Variants in PARG observed in about 807,000 individuals in gnomAD.
The protein encoded by PARG is poly(ADP-ribose) glycohydrolase.
A neutral mutation model predicts 113.0 loss-of-function variants in PARG; 35 were observed. The ratio of observed to expected loss-of-function variants is 0.31; its 90% CI spans 0.24 to 0.41. The LOEUF is 0.41. PARG is among the 10% of genes least tolerant of loss of function. The pLI, the probability that PARG is intolerant of heterozygous loss-of-function variation, is 1.00. For missense variants in PARG, 797 were observed against 1,169.4 expected (o/e 0.68, Z 4.64); for synonymous variants, 330 against 409.9 (o/e 0.81, Z 2.36).
At chr10:49,860,711 C>T (rs1388226495) in intron 12 of PARG, among the ~76,000 whole-genome samples, 3 of 151,700 alleles carry the variant, frequency 2.0e-5, no homozygotes, top group Admixed American at 6.6e-5. Flanking sequence ...AGTCCATTTT[C>T]AGGCAACTGC....
At chr10:49,884,380 T>C (rs1847359139) in intron 8 of PARG, among the ~76,000 whole-genome samples, 4 of 152,306 alleles carry the variant, frequency 2.6e-5, no homozygotes, top group Admixed American at 1.3e-4. Flanking sequence ...CAAGGCATCA[T>C]CTGAGGTCAG....
At chr10:49,928,170 G>A (rs1589005987) in intron 4 of PARG, among the ~76,000 whole-genome samples, 2 of 151,736 alleles carry the variant, frequency 1.3e-5, no homozygotes, top group Non-Finnish European at 2.9e-5. Flanking sequence ...ACTTGGGAGG[G>A]TGAGGTAGGA....
At chr10:49,884,209 A>G (rs1847351377) in intron 8 of PARG, among the ~76,000 whole-genome samples, 1 of 152,140 alleles carries the variant, frequency 6.6e-6, no homozygotes, top group African/African-American at 2.4e-5. Flanking sequence ...GCTGTGAGAT[A>G]ATACATGTTT....
intron 7 of PARG, among the ~76,000 whole-genome samples, chr10:49,913,669 G>A (rs1336580456): frequency 6.6e-6 from 1 of 152,062 alleles, no homozygotes. Context: ...TTGGGAGGCC[G>A]AGTTGGGTGG....
Position 49,933,796 on chromosome 10 carries a change from T to C in PARG, c.652A>G (p.Asn218Asp). 4 of 1,613,548 alleles carry C rather than the reference T, an allele frequency of 2.5e-6. No individual in the cohort carries two copies. Among genetic ancestry groups the C allele is most frequent in the Non-Finnish European group, 3.4e-6 (4 of 1,179,456 alleles). The stretch of plus-strand genomic sequence containing the variant: ...TCATCTTCTGTAGTCTGCTTTGCAT[T>C]TGCAAGCTTTACAGTTGTGAGAAAC... ...QQFLTTVKLA[N>D]AKQTTEDEQA... The change falls in exon 3 of 18, where the codon AAT becomes GAT. Residue 218 changes from asparagine to aspartate, a missense_variant. Around this residue, in one of 5 missense-constraint regions of PARG, gnomAD observed 284 missense variants for 306.1 expected, o/e 0.93. Transcript: ENST00000616448.
rs111365093 is a variant in PARG at position 49,920,648 on chromosome 10, A to G, written c.1662+1688T>C. Reference sequence around the variant, plus strand: ...TATACATGTATATATATACACATATACGTATATATATGGAGTTTATATTTA... The same window carrying G: ...TATACATGTATATATATACACATATGCGTATATATATGGAGTTTATATTTA... On this transcript the variant is annotated intron_variant, in intron 6 of 17. Coordinates refer to ENST00000616448, the MANE Select transcript of PARG (RefSeq NM_003631.5). Among the ~76,000 whole-genome samples the G allele has an allele frequency of 1.4e-3, 211 of 147,778 alleles. 1 individual carries two copies. Among genetic ancestry groups the G allele is most frequent in the African/African-American group, 5.1e-3 (203 of 40,104 alleles).
intron 4 of PARG, among the ~76,000 whole-genome samples, chr10:49,931,349 G>A (rs1376099370): frequency 6.6e-6 from 1 of 152,040 alleles, no homozygotes; most frequent in South Asian, 2.1e-4. Flanking sequence ...ATAGCCACAA[G>A]ATTAGAAATT....
intron 9 of PARG, 137 bp from the exon 10 acceptor site, chr10:49,869,692 G>A: frequency 1.8e-6 from 1 of 565,114 alleles, no homozygotes; most frequent in South Asian, 2.0e-5. Flanking sequence ...ATAAGAACTG[G>A]AAAATTGGTT....
chr10:49,835,443 T>C (rs1844867883), intron 15 of PARG, among the ~76,000 whole-genome samples: 1 of 151,972 alleles, frequency 6.6e-6, no homozygotes, highest in South Asian at 2.1e-4. Context: ...AAGCAGAAGA[T>C]ACCAATGAAC....
intron 7 of PARG, among the ~76,000 whole-genome samples, chr10:49,905,087 C>A (rs1414641408): frequency 2.0e-5 from 3 of 152,176 alleles, no homozygotes; most frequent in Non-Finnish European, 1.5e-5. Flanking sequence ...GACATGCTGC[C>A]CTTGAGGAAT....
chr10:49,836,764 C>T (rs1465195813), intron 15 of PARG, among the ~76,000 whole-genome samples: 4 of 152,058 alleles, frequency 2.6e-5, no homozygotes, highest in Admixed American at 1.3e-4. Context: ...TAATAACAGT[C>T]CTATTCCAAA....
chr10:49,827,052 G>A (rs984850560), intron 16 of PARG, among the ~76,000 whole-genome samples: 2 of 152,186 alleles, frequency 1.3e-5, no homozygotes, highest in African/African-American at 4.8e-5. Context: ...TTAGGTGGAA[G>A]GTATAAGCTA....
At chr10:49,900,863 A>G (rs1206997268) in intron 7 of PARG, among the ~76,000 whole-genome samples, 2 of 152,130 alleles carry the variant, frequency 1.3e-5, no homozygotes, top group African/African-American at 2.4e-5. Flanking sequence ...GCCAATGGAT[A>G]CTTTCAATAC....
chr10:49,835,954 T>C (rs1402537136), intron 15 of PARG, among the ~76,000 whole-genome samples: 2 of 152,134 alleles, frequency 1.3e-5, no homozygotes, highest in African/African-American at 4.8e-5. Context: ...CAGCTGCCTA[T>C]AGTATTCAGT....
intron 4 of PARG, among the ~76,000 whole-genome samples, chr10:49,928,128 A>G (rs547550883): frequency 6.6e-6 from 1 of 152,038 alleles, no homozygotes; most frequent in Non-Finnish European, 1.5e-5. Context: ...AACATCAGCC[A>G]AGGTTGGTGG....
chr10:49,886,898 A>T (rs1196041608), intron 7 of PARG, among the ~76,000 whole-genome samples: 2 of 152,234 alleles, frequency 1.3e-5, no homozygotes, highest in African/African-American at 4.8e-5. Context: ...CTAAATTTTT[A>T]AAAAATCATA....
intron 1 of PARG, among the ~76,000 whole-genome samples, chr10:49,940,905 T>G (rs1217288527): frequency 6.6e-6 from 1 of 152,218 alleles, no homozygotes; most frequent in Non-Finnish European, 1.5e-5. Context: ...AATAAGCATC[T>G]CATCTTCTGG....
chr10:49,849,351 T>G (rs1554833794), intron 13 of PARG, among the ~76,000 whole-genome samples: 1 of 151,806 alleles, frequency 6.6e-6, no homozygotes, highest in East Asian at 1.9e-4. Context: ...TACCTGATTT[T>G]AAGACTTATT....
At chr10:49,877,095 A>G (rs1588929807) in intron 9 of PARG, among the ~76,000 whole-genome samples, 1 of 150,558 alleles carries the variant, frequency 6.6e-6, no homozygotes, top group African/African-American at 2.4e-5. Context: ...TTAATGTTTG[A>G]AGGTCATAAA....
Sources: gnomAD v4.1 joint callset for allele counts (sites outside exome capture counted in the v4.1 genomes callset) on GRCh38, gnomAD v4.1.1 for gene constraint, gnomAD v4.1.1 regional missense constraint, MANE v1.5 for transcripts, NCBI Gene and HGNC (gene_info 2026-07-23, HGNC 2026-07-21) for gene names.